The following LMF1 variants were observed in gnomAD, a reference collection of about 807,000 sequenced individuals.
The protein encoded by LMF1 is lipase maturation factor 1.
Under a neutral mutation model 60.6 loss-of-function variants are expected in LMF1, and 68 were observed. That is an observed-to-expected ratio of 1.12 (90% CI 0.92 to 1.37). LMF1 has a LOEUF of 1.37. LMF1 is among the 40% of genes most tolerant of loss of function. The probability of loss-of-function intolerance (pLI) is 0.00; values close to 1 mark genes in which losing one functional copy is unlikely to be tolerated. For synonymous variants in LMF1, 418 were observed against 324.7 expected, an observed-to-expected ratio of 1.29 and a Z score of -3.09; for missense variants, 948 against 767.2, an observed-to-expected ratio of 1.24 and a Z score of -2.78.
rs2072841927 is a variant in LMF1, at chr16:962,892, G to C, written c.193+7896C>G. ...CACTCAGTGCCCGGCATGAAGCGCT[G>C]TGAGCAGCCTCCCTCCAAGGCAGTG... is the stretch of plus-strand genomic sequence containing the variant. On this transcript the variant is annotated intron_variant, in intron 1 of 10. Coordinates refer to ENST00000262301, the MANE Select transcript of LMF1 (RefSeq NM_022773.4). This position sits in a 1 kb window ranked among gnomAD's most constrained non-coding sequence, Gnocchi z 4.5. Among the ~76,000 whole-genome samples the C allele has an allele frequency of 4.6e-5, 7 of 152,328 alleles. No homozygotes were observed. In the South Asian group the frequency reaches 1.5e-3, roughly 32 times the overall value.
chr16:924,530 T>C (rs990562432), intron 3 of LMF1, among the ~76,000 whole-genome samples: 4 of 152,204 alleles, frequency 2.6e-5, no homozygotes, highest in African/African-American at 9.7e-5. Flanking sequence ...TTTCGAAGCA[T>C]TTCTCCAGGC....
At chr16:948,143 ACG>A (rs1240766676) in intron 2 of LMF1, among the ~76,000 whole-genome samples, 6 of 144,126 alleles carry the variant, frequency 4.2e-5, no homozygotes, top group Admixed American at 2.1e-4. Context: ...AAGTCAGCCA[ACG>A]ACAGAGTCAG....
In LMF1 at chr16:962,302, G is replaced by A. The variant is rs1481564160; in HGVS notation, c.194-7636C>T. The stretch of plus-strand genomic sequence containing the variant: ...CCAGAGGGAAAATAAATGGGCGTGG[G>A]TCCATAGTGACAAAATCAGTGACCA... On this transcript the variant is annotated intron_variant, in intron 1 of 10. Coordinates refer to ENST00000262301, the MANE Select transcript of LMF1 (RefSeq NM_022773.4). The surrounding 1 kb of genome is among the most constrained non-coding windows in gnomAD (Gnocchi z 4.5). Among the ~76,000 whole-genome samples, 2 of 152,236 alleles carry A rather than the reference G, an allele frequency of 1.3e-5. No individual in the cohort carries two copies. The highest frequency in any genetic ancestry group is 2.9e-5 in the Non-Finnish European group (2 of 68,044).
At position 893,050 on chromosome 16, in the gene LMF1, TC is replaced by T; in HGVS notation, c.685del (p.Asp229ThrfsTer83). 1.9e-6 allele frequency: 3 copies of T among 1,552,920 alleles called. No individual in the cohort carries two copies. The highest frequency in any genetic ancestry group is 2.4e-5 in the East Asian group (1 of 41,062). On this transcript the variant is annotated frameshift_variant, in exon 5 of 11. Coordinates refer to ENST00000262301, the MANE Select transcript of LMF1 (RefSeq NM_022773.4). LOFTEE classifies it high-confidence loss of function. Reference protein sequence around the residue: ...LGAGLIKIRGDRCWRDLTCMD... With the variant: ...LGAGLIKIRGXRCWRDLTCMD... The stretch of plus-strand genomic sequence containing the variant: ...GCAGGTGAGGTCTCGCCAGCACCGG[TC>T]CCCCCGGATCTTGATCAGGCCCTGC...
intron 3 of LMF1, chr16:931,595 A>G (rs1485590844): frequency 2.4e-6 from 3 of 1,271,456 alleles, no homozygotes; most frequent in South Asian, 2.5e-5. Flanking sequence ...CTGACCTTCC[A>G]GTGCCTTTGG....
At chr16:884,659 G>C (rs1424491683) in intron 5 of LMF1, among the ~76,000 whole-genome samples, 3 of 152,038 alleles carry the variant, frequency 2.0e-5, no homozygotes, top group Non-Finnish European at 4.4e-5. Flanking sequence ...AATGATCACG[G>C]ATGGAAGCCT....
chr16:922,115 C>T lies in LMF1; in HGVS notation c.515-11036G>A, dbSNP rs557269177. ...CCAAGCAGCCAACACGGGACAGAGG[C>T]GATGAGGGAGGGCGGCCTGGACAGA... On this transcript the variant is annotated intron_variant, in intron 3 of 10. Coordinates refer to ENST00000262301, the MANE Select transcript of LMF1 (RefSeq NM_022773.4). Among the ~76,000 whole-genome samples the T allele has an allele frequency of 9.9e-5, 15 of 152,138 alleles. No individual in the cohort carries two copies. In the East Asian group the frequency reaches 1.7e-3, roughly 18 times the overall value.
intron 2 of LMF1, among the ~76,000 whole-genome samples, chr16:951,902 G>A (rs944293772): frequency 9.9e-5 from 15 of 152,218 alleles, no homozygotes; most frequent in South Asian, 2.1e-4. Flanking sequence ...CGTGATGTGC[G>A]GGGGAGGTGC....
chr16:914,549 G>A, intron 3 of LMF1, among the ~76,000 whole-genome samples: 1 of 125,658 alleles, frequency 8.0e-6, no homozygotes, highest in Non-Finnish European at 1.6e-5. Flanking sequence ...TCCTTCCCAT[G>A]ACCACTGGTG....
chr16:870,139 G>A (rs1328936133), intron 8 of LMF1, 73 bp from the exon 9 acceptor site: 5 of 1,501,858 alleles, frequency 3.3e-6, no homozygotes, highest in Non-Finnish European at 4.5e-6. Context: ...TGGGTGGGGG[G>A]GGTTCCCCGA....
At chr16:868,345 TCCCTGTGCACCCCAGCTC>T (rs2069671002) in intron 10 of LMF1, among the ~76,000 whole-genome samples, 1 of 152,084 alleles carries the variant, frequency 6.6e-6, no homozygotes, top group South Asian at 2.1e-4. Flanking sequence ...CCTTAGTGTC[TCCCTGTGCACCCCAGCTC>T]CCCTGCGTGG....
intron 1 of LMF1, among the ~76,000 whole-genome samples, chr16:958,523 C>A (rs111401515): frequency 4.4e-4 from 67 of 152,262 alleles, no homozygotes; most frequent in African/African-American, 1.2e-3. Flanking sequence ...TTCATCACTG[C>A]GGAAATGCCC....
chr16:981,518 C>T, upstream of LMF1: 1 of 182,026 alleles, frequency 5.5e-6, no homozygotes. Context: ...CCCGGCCTCC[C>T]TGCCCCGCTT....
chr16:957,879 A>C (rs957532282), intron 1 of LMF1, among the ~76,000 whole-genome samples: 3 of 152,192 alleles, frequency 2.0e-5, no homozygotes, highest in Non-Finnish European at 4.4e-5. Context: ...GTGGTGGCTC[A>C]CACCTGTCAT....
upstream of LMF1, among the ~76,000 whole-genome samples, chr16:974,270 G>T (rs2073094809): frequency 6.6e-6 from 1 of 152,218 alleles, no homozygotes; most frequent in Admixed American, 6.5e-5. Flanking sequence ...GCGGCCGGGA[G>T]ATCGGCCAGG....
chr16:935,443 T>C (rs2071911861), intron 2 of LMF1, among the ~76,000 whole-genome samples: 1 of 152,146 alleles, frequency 6.6e-6, no homozygotes, highest in African/African-American at 2.4e-5. Flanking sequence ...ATATGTACGC[T>C]GACTTGTACA....
At chr16:881,110 G>T (rs1401366330) in intron 5 of LMF1, among the ~76,000 whole-genome samples, 1 of 152,222 alleles carries the variant, frequency 6.6e-6, no homozygotes, top group Non-Finnish European at 1.5e-5. Flanking sequence ...CCCCCAGGTG[G>T]CAGAAAGCGC....
intron 2 of LMF1, among the ~76,000 whole-genome samples, chr16:945,544 T>C (rs542003207): frequency 6.7e-6 from 1 of 148,648 alleles, no homozygotes; most frequent in African/African-American, 2.5e-5. Context: ...AAGAAAAAAG[T>C]TCAGCTGGCA....
intron 4 of LMF1, among the ~76,000 whole-genome samples, chr16:906,651 T>C (rs1336398075): frequency 6.6e-6 from 1 of 152,218 alleles, no homozygotes; most frequent in Non-Finnish European, 1.5e-5. Context: ...CTGTTAGTTC[T>C]GTCCCTCGAG....
Sources: gnomAD v4.1 joint callset for allele counts (sites outside exome capture counted in the v4.1 genomes callset) on GRCh38, gnomAD v4.1.1 for gene constraint, Gnocchi (gnomAD v3.1) non-coding constraint, MANE v1.5 for transcripts, NCBI Gene and HGNC (gene_info 2026-07-23, HGNC 2026-07-21) for gene names.